GTF3C6: variants seen among roughly 807,000 people sequenced by gnomAD.
GTF3C6 encodes the protein general transcription factor IIIC subunit 6.
Under a neutral mutation model 19.2 loss-of-function variants are expected in GTF3C6, and 11 were observed. The observed-to-expected ratio is 0.57, with a 90% confidence interval of 0.36 to 0.95. The LOEUF is 0.95. Ranked by LOEUF, GTF3C6 falls within the 40% of genes least tolerant of loss-of-function variation. The probability of loss-of-function intolerance (pLI) is 0.01; values close to 1 mark genes in which losing one functional copy is unlikely to be tolerated. For synonymous variants in GTF3C6, 87 were observed against 84.2 expected, an observed-to-expected ratio of 1.03 and a Z score of -0.18; for missense variants, 222 against 254.7, an observed-to-expected ratio of 0.87 and a Z score of 0.87.
At chr6:110,967,354 T>C (rs747162905) in intron 5 of GTF3C6, among the ~76,000 whole-genome samples, 156 bp from the exon 6 acceptor site, 5 of 152,222 alleles carry the variant, frequency 3.3e-5, no homozygotes, top group Non-Finnish European at 7.3e-5. Context: ...ATGCAAATTA[T>C]ATTTTATCAG....
intron 5 of GTF3C6, among the ~76,000 whole-genome samples, chr6:110,965,961 T>C (rs1771224368): frequency 6.6e-6 from 1 of 152,190 alleles, no homozygotes; most frequent in African/African-American, 2.4e-5. Flanking sequence ...TAGGCTGCAG[T>C]CATCTGAAGG....
At chr6:110,963,252 T>C (rs1307661345) in intron 5 of GTF3C6, among the ~76,000 whole-genome samples, 1 of 152,122 alleles carries the variant, frequency 6.6e-6, no homozygotes, top group Non-Finnish European at 1.5e-5. Flanking sequence ...TTGAGGGTAC[T>C]CCATCTAAAG....
chr6:110,967,868 G>A lies in GTF3C6; in HGVS notation c.*78G>A. 4 of 1,243,594 alleles carry A rather than the reference G, an allele frequency of 3.2e-6. No individual in the cohort carries two copies. The highest frequency in any genetic ancestry group is 4.5e-6 in the Non-Finnish European group (4 of 886,642). 77.0% of individuals were successfully genotyped at this position (1,243,594 alleles called of 1,614,324 possible). On this transcript the variant is annotated 3_prime_UTR_variant, in exon 6 of 6. Transcript: ENST00000329970. ...GAGTTGTTACATAAAAATAATTGCT[G>A]TGTAGCTTTCAGTCTTTTAATATTT...
chr6:110,960,848 C>T (rs564190952), intron 4 of GTF3C6, among the ~76,000 whole-genome samples: 1 of 151,752 alleles, frequency 6.6e-6, no homozygotes, highest in Non-Finnish European at 1.5e-5. Context: ...GCCAGGAGTT[C>T]GAGACCAGCC....
chr6:110,961,667 T>G (rs1440174447), intron 4 of GTF3C6, among the ~76,000 whole-genome samples: 1 of 152,150 alleles, frequency 6.6e-6, no homozygotes, highest in African/African-American at 2.4e-5. Context: ...CTTTCATGAT[T>G]GAGAATGTCC....
rs541556831 is a variant in GTF3C6 at position 110,962,016 on chromosome 6, T to A, written c.248-376T>A. On this transcript the variant is annotated intron_variant, in intron 4 of 5. Coordinates refer to ENST00000329970, the MANE Select transcript of GTF3C6 (RefSeq NM_138408.4). Reference sequence around the variant, plus strand: ...CTCCTGGGTTCAAGCATTTCTCCTGTCTCAGCCTCCCGAGTAGCTGGGATT... The same window carrying A: ...CTCCTGGGTTCAAGCATTTCTCCTGACTCAGCCTCCCGAGTAGCTGGGATT... 2.0e-5 allele frequency among the ~76,000 whole-genome samples: 3 copies of A among 151,882 alleles called. No individual in the cohort carries two copies. The East Asian group carries it at 5.8e-4, about 29-fold the overall frequency.
intron 4 of GTF3C6, among the ~76,000 whole-genome samples, chr6:110,961,616 C>T (rs938480521): frequency 6.6e-5 from 10 of 152,198 alleles, no homozygotes; most frequent in Admixed American, 3.3e-4. Flanking sequence ...CTGAAAGTTT[C>T]AACTCCAGGC....
At chr6:110,959,731 G>A (rs1248879945) in intron 2 of GTF3C6, among the ~76,000 whole-genome samples, 1 of 151,988 alleles carries the variant, frequency 6.6e-6, no homozygotes, top group African/African-American at 2.4e-5. Flanking sequence ...AGGCCGAGGC[G>A]GGTAGATCAC....
chr6:110,964,223 C>A (rs1272913234), intron 5 of GTF3C6, among the ~76,000 whole-genome samples: 2 of 149,476 alleles, frequency 1.3e-5, no homozygotes, highest in East Asian at 4.2e-4. Context: ...TCCACCATGC[C>A]TGGCTATTTC....
rs1441404643 is a variant in GTF3C6, at chr6:110,958,808, A to G, written c.39A>G (p.Gly13=). The stretch of plus-strand genomic sequence containing the variant: ...CGGACGAGCGGAGTCCAGAGGACGG[A>G]GAAGACGAGGAAGAGGAGGTAGTAA... ...AAADERSPED[G]EDEEEEEQLV... Residue 13 remains glycine (G), a synonymous_variant, in exon 1 of 6, where the codon GGA becomes GGG. Transcript: ENST00000329970. The G allele has an allele frequency of 6.4e-7, 1 of 1,551,206 alleles. No homozygotes were observed. The highest frequency in any genetic ancestry group is 1.2e-5 in the South Asian group (1 of 84,044).
rs1336601577 is a variant in GTF3C6 at position 110,967,730 on chromosome 6, T to TA, written c.583dup (p.Ile195AsnfsTer2). 1.9e-6 allele frequency: 3 copies of TA among 1,613,814 alleles called. No individual in the cohort carries two copies. The highest frequency in any genetic ancestry group is 2.5e-6 in the Non-Finnish European group (3 of 1,179,902). Reference sequence around the variant, plus strand: ...TGGAAATAGAAGATTCTGGTCCTCTTATTGATATACCTTCTGAGACAGAAG... The same window carrying TA: ...TGGAAATAGAAGATTCTGGTCCTCTTAATTGATATACCTTCTGAGACAGAAG... On this transcript the variant is annotated frameshift_variant, in exon 6 of 6. Coordinates refer to ENST00000329970, the MANE Select transcript of GTF3C6 (RefSeq NM_138408.4). LOFTEE classifies it high-confidence loss of function.
At chr6:110,963,583 A>T (rs945705852) in intron 5 of GTF3C6, among the ~76,000 whole-genome samples, 1 of 152,110 alleles carries the variant, frequency 6.6e-6, no homozygotes, top group Non-Finnish European at 1.5e-5. Context: ...GGGGGGAAAA[A>T]ACTTCCTTGT....
chr6:110,967,776 C>T lies in GTF3C6; in HGVS notation c.628C>T (p.Gln210Ter), dbSNP rs760400857. The change falls in exon 6 of 6, where the codon CAA becomes TAA. Residue 210 changes from glutamine (Q) to a stop codon, truncating the protein, a stop_gained. Coordinates refer to ENST00000329970, the MANE Select transcript of GTF3C6 (RefSeq NM_138408.4). LOFTEE classifies it high-confidence loss of function. The part of the protein sequence containing the change: ...ETEGSVFMET[Q>*]MLP ...AGAAGGTTCTGTTTTTATGGAAACT[C>T]AAATGCTGCCTTAGAAATCACTCCT... The T allele has an allele frequency of 6.9e-6, 11 of 1,601,676 alleles. No individual in the cohort carries two copies. Among genetic ancestry groups the T allele is most frequent in the South Asian group, 1.1e-5 (1 of 88,416 alleles).
chr6:110,959,194 TA>T lies in GTF3C6; in HGVS notation c.81del (p.Leu27PhefsTer44). 10 of 1,612,576 alleles carry T rather than the reference TA, an allele frequency of 6.2e-6. No individual in the cohort carries two copies. Among genetic ancestry groups the T allele is most frequent in the Non-Finnish European group, 7.6e-6 (9 of 1,178,674 alleles). On this transcript the variant is annotated frameshift_variant, in exon 2 of 6. Coordinates refer to ENST00000329970, the MANE Select transcript of GTF3C6 (RefSeq NM_138408.4). LOFTEE classifies it high-confidence loss of function. ...CAGGAGCAGTTGGTTCTGGTGGAAT[TA>T]TCAGGAATTATTGATTCAGACTTCC... ...EEEEQLVLVE[L>X]SGIIDSDFLS...
At position 110,967,677 on chromosome 6, in the gene GTF3C6, A is replaced by C; in HGVS notation, c.529A>C (p.Ser177Arg). Residue 177 changes from serine (S) to arginine (R), a missense_variant, in exon 6 of 6, where the codon AGT (serine) becomes CGT (arginine). By Grantham distance (110) the Ser-to-Arg change is moderately radical (BLOSUM62 -1). Coordinates refer to ENST00000329970, the MANE Select transcript of GTF3C6 (RefSeq NM_138408.4). ...TCAAATGAACGACAGTTCAAACCTG[A>C]GTTGTGAACAGGAGAAACCAATGCA... ...EIQMNDSSNL[S>R]CEQEKPMHLE... 1 of 1,614,146 alleles carries C rather than the reference A, an allele frequency of 6.2e-7. No homozygotes were observed. The highest frequency in any genetic ancestry group is 2.2e-5 in the East Asian group (1 of 44,864).
rs747558571 is a variant in GTF3C6, at chr6:110,958,877, G to A, written c.57+51G>A. On this transcript the variant is annotated intron_variant, in intron 1 of 5. Transcript: ENST00000329970. ...GCACCGCAGTGGCGGTGATGCCTGTGCTGGCTGTGTGTGGGGAAGGGAGTT... is the reference window on the plus strand; with the variant it reads ...GCACCGCAGTGGCGGTGATGCCTGTACTGGCTGTGTGTGGGGAAGGGAGTT... 126 of 1,532,894 alleles carry A rather than the reference G, an allele frequency of 8.2e-5. No homozygotes were observed. The African/African-American group carries it at 1.5e-3, about 19-fold the overall frequency. The allele number at this position is 1,532,894 out of a possible 1,614,324, so 95.0% of individuals were successfully genotyped here. A position where few individuals can be genotyped will look rare whatever the true frequency, so the allele number is the denominator to read the frequency against.
At chr6:110,964,882 G>T (rs915081732) in intron 5 of GTF3C6, among the ~76,000 whole-genome samples, 4 of 150,216 alleles carry the variant, frequency 2.7e-5, no homozygotes, top group African/African-American at 9.8e-5. Flanking sequence ...GCCCAGGCTG[G>T]AGTACAGTAG....
chr6:110,960,751 T>TAAA, intron 4 of GTF3C6, 135 bp downstream of exon 4: 4 of 633,456 alleles, frequency 6.3e-6, no homozygotes, highest in East Asian at 6.5e-5. Context: ...AGATTATAGT[T>TAAA]AAAAAAAAAA....
Position 110,960,424 on chromosome 6 carries a change from C to G in GTF3C6, c.149C>G (p.Thr50Ser). The G allele has an allele frequency of 6.2e-7, 1 of 1,612,928 alleles. No individual in the cohort carries two copies. The highest frequency in any genetic ancestry group is 8.5e-7 in the Non-Finnish European group (1 of 1,179,460). ...ENKCKVLGID[T>S]ERPILQVDSC... The stretch of plus-strand genomic sequence containing the variant: ...TTTATTCTGTTGTAGGGCATTGACA[C>G]TGAGAGGCCCATTCTGCAAGTGGAC... Residue 50 changes from threonine to serine, a missense_variant, in exon 3 of 6, where the codon ACT (threonine) becomes AGT (serine). Physicochemically the swap from Thr to Ser is moderately conservative, Grantham distance 58 (BLOSUM62 1). Coordinates refer to ENST00000329970, the MANE Select transcript of GTF3C6 (RefSeq NM_138408.4).
Sources: allele counts gnomAD v4.1 joint callset (sites outside exome capture counted in the v4.1 genomes callset), GRCh38; gene constraint gnomAD v4.1.1; transcripts MANE v1.5; gene names NCBI Gene and HGNC (gene_info 2026-07-23, HGNC 2026-07-21).